The following TRHDE variants were observed in gnomAD, a reference collection of about 807,000 sequenced individuals.
The protein encoded by TRHDE is thyrotropin-releasing hormone-degrading ectoenzyme.
TRHDE carries 72 observed loss-of-function variants against 125.7 expected under a neutral mutation model. The ratio of observed to expected loss-of-function variants is 0.57; its 90% CI spans 0.47 to 0.70. TRHDE has a LOEUF of 0.70. Among genes scored for constraint, TRHDE ranks in the 30% least tolerant of loss-of-function variants. TRHDE has a pLI of 0.00. For synonymous variants in TRHDE, 509 were observed against 509.1 expected (o/e 1.00, Z 0.00); for missense variants, 1,110 against 1,327.1 (o/e 0.84, Z 2.54).
At chr12:72,413,512 AATT>A (rs1419893041) in intron 3 of TRHDE, among the ~76,000 whole-genome samples, 1 of 151,792 alleles carries the variant, frequency 6.6e-6, no homozygotes, top group Non-Finnish European at 1.5e-5. Flanking sequence ...ACCTTATTAA[AATT>A]ATTATTAGCT....
At chr12:72,642,393 A>T (rs563923217) in intron 15 of TRHDE, among the ~76,000 whole-genome samples, 2 of 152,204 alleles carry the variant, frequency 1.3e-5, no homozygotes, top group Non-Finnish European at 2.9e-5. Flanking sequence ...CTGAACTTCT[A>T]TGCTTTCAAA....
At chr12:72,405,587 T>C (rs570774639) in intron 3 of TRHDE, among the ~76,000 whole-genome samples, 28 of 152,318 alleles carry the variant, frequency 1.8e-4, no homozygotes, top group Non-Finnish European at 2.9e-4. Context: ...AAGTCTTCTC[T>C]CACATCTGTT....
chr12:72,264,635 C>A (rs1879024217), intron 2 of TRHDE: 1 of 151,796 alleles, frequency 6.6e-6, no homozygotes, highest in Admixed American at 6.6e-5. Flanking sequence ...AGAAAACAAA[C>A]AAAATTGTCT....
chr12:72,286,948 G>T lies in TRHDE; in HGVS notation c.1182G>T (p.Gly394=), dbSNP rs1470902030. Reference sequence around the variant, plus strand: ...ACAGAGAAACTACCACCAAGAGTGGGGTTGTAGTAAGTATTTTCAGCTTAA... The same window carrying T: ...ACAGAGAAACTACCACCAAGAGTGGTGTTGTAGTAAGTATTTTCAGCTTAA... ...FTYRETTTKS[G]VVVRLYARPD... The change falls in exon 2 of 19, where the codon GGG becomes GGT. Residue 394 remains glycine, a synonymous_variant. Transcript: ENST00000261180. The T allele has an allele frequency of 3.1e-6, 5 of 1,612,580 alleles. No homozygotes were observed. Among genetic ancestry groups the T allele is most frequent in the Non-Finnish European group, 3.4e-6 (4 of 1,179,406 alleles).
At chr12:72,306,514 A>G (rs1224765326) in intron 2 of TRHDE, 1 of 152,186 alleles carries the variant, frequency 6.6e-6, no homozygotes. Flanking sequence ...GCTCGGCAAC[A>G]GTATTAGAGT....
intron 2 of TRHDE, among the ~76,000 whole-genome samples, chr12:72,248,011 A>G (rs1878606088): frequency 6.6e-6 from 1 of 152,186 alleles, no homozygotes; most frequent in African/African-American, 2.4e-5. Context: ...GTGTGTATGT[A>G]TGCATGTATG....
intron 6 of TRHDE, among the ~76,000 whole-genome samples, chr12:72,536,891 A>G (rs1868888928): frequency 6.6e-6 from 1 of 152,038 alleles, no homozygotes; most frequent in Non-Finnish European, 1.5e-5. Flanking sequence ...CTCTTCTGTG[A>G]GCATCTCACT....
intron 10 of TRHDE, among the ~76,000 whole-genome samples, chr12:72,569,051 T>G (rs1216087745): frequency 3.3e-5 from 5 of 152,248 alleles, no homozygotes; most frequent in African/African-American, 1.2e-4. Flanking sequence ...AGACTGTCTC[T>G]TTAAAAGGTG....
chr12:72,410,275 A>G (rs1471036287), intron 3 of TRHDE, among the ~76,000 whole-genome samples: 2 of 152,056 alleles, frequency 1.3e-5, no homozygotes, highest in Non-Finnish European at 2.9e-5. Context: ...ATTCCTACAA[A>G]GAACTCTGAG....
chr12:72,177,099 A>C (rs540159463), intron 2 of TRHDE, among the ~76,000 whole-genome samples: 5 of 152,062 alleles, frequency 3.3e-5, no homozygotes, highest in African/African-American at 1.2e-4. Flanking sequence ...CTTAAAAATG[A>C]TATGTGTCGG....
At chr12:72,206,955 T>C (rs1877681024) in intron 2 of TRHDE, among the ~76,000 whole-genome samples, 1 of 152,164 alleles carries the variant, frequency 6.6e-6, no homozygotes, top group South Asian at 2.1e-4. Context: ...CAACTGGAAC[T>C]ACATGATTTA....
intron 5 of TRHDE, among the ~76,000 whole-genome samples, chr12:72,493,679 A>G (rs1877782456): frequency 6.6e-6 from 1 of 151,834 alleles, no homozygotes; most frequent in South Asian, 2.1e-4. Flanking sequence ...TCCTTTTCTC[A>G]TTACTGGTAA....
At chr12:72,635,994 T>C (rs1484821137) in intron 15 of TRHDE, among the ~76,000 whole-genome samples, 31 of 151,068 alleles carry the variant, frequency 2.1e-4, no homozygotes, top group Admixed American at 1.9e-3. Context: ...GGGCTCTTTT[T>C]TGGTTCCATA....
At chr12:72,443,416 A>G (rs1366403775) in intron 3 of TRHDE, among the ~76,000 whole-genome samples, 1 of 151,696 alleles carries the variant, frequency 6.6e-6, no homozygotes, top group Non-Finnish European at 1.5e-5. Context: ...TGCACTTACT[A>G]TGTACTTAAA....
chr12:72,582,463 A>C (rs1871279085), intron 12 of TRHDE: 1 of 985,338 alleles, frequency 1.0e-6, no homozygotes, highest in Non-Finnish European at 1.2e-6. Context: ...GGCTTTTGTT[A>C]GAAGTTTTTT....
At chr12:72,577,211 G>GTAAGGAACACAAAGAAAGGT (rs1871036680) in intron 12 of TRHDE, among the ~76,000 whole-genome samples, 2 of 152,278 alleles carry the variant, frequency 1.3e-5, no homozygotes, top group East Asian at 3.9e-4. Flanking sequence ...CAAAGAAAGG[G>GTAAGGAACACAAAGAAAGGT]TAAGGAACTC....
At chr12:72,306,165 C>T (rs1868338327) in intron 2 of TRHDE, among the ~76,000 whole-genome samples, 1 of 152,136 alleles carries the variant, frequency 6.6e-6, no homozygotes, top group African/African-American at 2.4e-5. Context: ...GATTAGATGA[C>T]TTAATCTAGT....
At chr12:72,562,443 C>T (rs1047441509) in intron 8 of TRHDE, among the ~76,000 whole-genome samples, 6 of 151,824 alleles carry the variant, frequency 4.0e-5, no homozygotes, top group Admixed American at 1.3e-4. Flanking sequence ...ACCTCACCTA[C>T]TTTCAAACAT....
intron 2 of TRHDE, among the ~76,000 whole-genome samples, chr12:72,337,498 TC>T (rs1167460158): frequency 6.6e-6 from 1 of 152,146 alleles, no homozygotes; most frequent in Non-Finnish European, 1.5e-5. Flanking sequence ...GAGTAGTTTC[TC>T]CCCTTAATTA....
Sources: allele counts gnomAD v4.1 joint callset (sites outside exome capture counted in the v4.1 genomes callset), GRCh38; gene constraint gnomAD v4.1.1; transcripts MANE v1.5; gene names NCBI Gene and HGNC (gene_info 2026-07-23, HGNC 2026-07-21).